Variants in GLIS3 observed in about 807,000 individuals in gnomAD.
The protein encoded by GLIS3 is GLIS family zinc finger 3.
A neutral mutation model predicts 78.6 loss-of-function variants in GLIS3; 53 were observed. That is an observed-to-expected ratio of 0.67 (90% CI 0.54 to 0.85). The LOEUF (loss-of-function observed/expected upper bound fraction) is 0.85. GLIS3 is among the 40% of genes least tolerant of loss of function. The pLI is 0.00. For synonymous variants in GLIS3, 684 were observed against 509.9 expected (o/e 1.34, Z -4.60); for missense variants, 1,703 against 1,231.1 (o/e 1.38, Z -5.74).
chr9:4,249,369 A>G (rs952602395), intron 2 of GLIS3, among the ~76,000 whole-genome samples: 3 of 152,204 alleles, frequency 2.0e-5, no homozygotes, highest in South Asian at 2.1e-4. Flanking sequence ...TAGGTATTTT[A>G]TCCTCTTTGT....
At chr9:4,296,170 C>A (rs1816486245) in intron 1 of GLIS3, among the ~76,000 whole-genome samples, 1 of 151,584 alleles carries the variant, frequency 6.6e-6, no homozygotes, top group Non-Finnish European at 1.5e-5. Flanking sequence ...ATTCTATAAT[C>A]TGGGAGAAGA....
chr9:4,417,820 C>T, the GLIS3 span, among the ~76,000 whole-genome samples: 2 of 152,154 alleles, frequency 1.3e-5, no homozygotes, highest in African/African-American at 4.8e-5. Flanking sequence ...GGACATTTTG[C>T]TTGTGACTTT....
chr9:4,082,842 G>T (rs1033555293), intron 4 of GLIS3, among the ~76,000 whole-genome samples: 3 of 152,198 alleles, frequency 2.0e-5, no homozygotes, highest in African/African-American at 7.2e-5. Flanking sequence ...TTTCGAAACA[G>T]ACTTAAGATG....
At chr9:4,059,077 T>C (rs958236906) in intron 4 of GLIS3, among the ~76,000 whole-genome samples, 2 of 152,130 alleles carry the variant, frequency 1.3e-5, no homozygotes, top group Non-Finnish European at 2.9e-5. Context: ...ATCTAATCTA[T>C]AGTTGATCTA....
intron 2 of GLIS3, among the ~76,000 whole-genome samples, chr9:4,275,862 G>A (rs1826934359): frequency 6.6e-6 from 1 of 152,060 alleles, no homozygotes; most frequent in Admixed American, 6.6e-5. Context: ...ACCTAAAATG[G>A]GGCCGATTAC....
the GLIS3 span, among the ~76,000 whole-genome samples, chr9:4,422,699 G>A: frequency 1.3e-5 from 2 of 152,208 alleles, no homozygotes; most frequent in Non-Finnish European, 2.9e-5. Flanking sequence ...AGCTCAGTTA[G>A]AGATCAGAGC....
intron 2 of GLIS3, among the ~76,000 whole-genome samples, chr9:4,262,125 G>C (rs533083247): frequency 1.3e-5 from 2 of 152,278 alleles, no homozygotes; most frequent in Non-Finnish European, 2.9e-5. Flanking sequence ...CTATGTGACT[G>C]AAGAGTGCTC....
rs372819319 is a variant in GLIS3, at chr9:4,038,593, T to C, written c.1710+79175A>G. Reference sequence around the variant, plus strand: ...AAAAGGAATTTCCCAGGCATGTCTCTTTAACGTTTTTATCCTGAAAGCAGG... The same window carrying C: ...AAAAGGAATTTCCCAGGCATGTCTCCTTAACGTTTTTATCCTGAAAGCAGG... On this transcript the variant is annotated intron_variant, in intron 4 of 10. Transcript: ENST00000381971. 3.2e-4 allele frequency among the ~76,000 whole-genome samples: 48 copies of C among 152,328 alleles called. 1 individual carries two copies. The highest frequency in any genetic ancestry group is 1.2e-3 in the African/African-American group (48 of 41,578).
intron 7 of GLIS3, among the ~76,000 whole-genome samples, chr9:3,894,330 C>T (rs571741346): frequency 6.6e-6 from 1 of 152,282 alleles, no homozygotes; most frequent in South Asian, 2.1e-4. Context: ...TAGTTTAGAA[C>T]CCTCTAATAA....
At chr9:4,294,943 C>T (rs776026567) in intron 1 of GLIS3, among the ~76,000 whole-genome samples, 3 of 152,132 alleles carry the variant, frequency 2.0e-5, no homozygotes, top group Non-Finnish European at 4.4e-5. Flanking sequence ...TGAATAAATA[C>T]AATATAAGTG....
At chr9:4,311,593 C>T (rs931390810) in intron 2 of GLIS3, among the ~76,000 whole-genome samples, 2 of 152,166 alleles carry the variant, frequency 1.3e-5, no homozygotes, top group Non-Finnish European at 2.9e-5. Context: ...TAACTCCACA[C>T]TCCCCAGCTC....
At chr9:4,154,624 T>C (rs557962914) in intron 2 of GLIS3, among the ~76,000 whole-genome samples, 5 of 152,192 alleles carry the variant, frequency 3.3e-5, no homozygotes, top group African/African-American at 9.6e-5. Flanking sequence ...AACATTCATG[T>C]AGGGGGAAAA....
chr9:4,258,779 A>G (rs944575259), intron 2 of GLIS3, among the ~76,000 whole-genome samples: 1 of 152,180 alleles, frequency 6.6e-6, no homozygotes, highest in African/African-American at 2.4e-5. Context: ...AAATATATTT[A>G]ATACTTTGAA....
At chr9:4,484,465 C>T in the GLIS3 span, among the ~76,000 whole-genome samples, 2 of 130,086 alleles carry the variant, frequency 1.5e-5, no homozygotes, top group African/African-American at 6.1e-5. Context: ...GCTGCCTAGG[C>T]TGCAGTGCAG....
intron 2 of GLIS3, among the ~76,000 whole-genome samples, chr9:4,226,457 C>T (rs1821776031): frequency 6.6e-6 from 1 of 152,154 alleles, no homozygotes; most frequent in Admixed American, 6.5e-5. Context: ...AGACGAGCTC[C>T]TCCCAAGAGA....
At chr9:4,313,238 C>T (rs780289742) in intron 2 of GLIS3, among the ~76,000 whole-genome samples, 2 of 152,180 alleles carry the variant, frequency 1.3e-5, no homozygotes, top group African/African-American at 2.4e-5. Flanking sequence ...AAGCTTCCTC[C>T]GCACAGCTCC....
Position 3,935,625 on chromosome 9 carries a change from C to G in GLIS3, c.1872+1403G>C, listed in dbSNP as rs536508140. 1.8e-4 allele frequency among the ~76,000 whole-genome samples: 27 copies of G among 152,298 alleles called. 1 individual carries two copies. In the South Asian group the frequency reaches 3.5e-3, roughly 20 times the overall value. ...CAATCTTGTCTCATAAATGTTCATT[C>G]TTCCATGATAAAGGTTAATGACGAA... On this transcript the variant is annotated intron_variant, in intron 5 of 10. Coordinates refer to ENST00000381971, the MANE Select transcript of GLIS3 (RefSeq NM_001042413.2).
At position 4,118,876 on chromosome 9, in the gene GLIS3, A is replaced by T; in HGVS notation, c.602T>A (p.Leu201His). Residue 201 changes from leucine to histidine, a missense_variant, in exon 4 of 11, where the codon CTT becomes CAT. Leu to His is a moderately conservative substitution (Grantham distance 99). Transcript: ENST00000381971. The surrounding 1 kb of genome is among the most constrained non-coding windows in gnomAD (Gnocchi z 4.7). ...GGACGCCAAAGACTCACGCGAAATA[A>T]GGGACCTGGAACAGCAGCCAGAAAG... ...LNIPPSDTRSLISRESLASTT... is the reference protein window; with the variant it reads ...LNIPPSDTRSHISRESLASTT... 1.9e-6 allele frequency: 3 copies of T among 1,601,156 alleles called. No individual in the cohort carries two copies. Among genetic ancestry groups the T allele is most frequent in the Non-Finnish European group, 2.5e-6 (3 of 1,179,894 alleles).
In GLIS3 at chr9:4,298,394, C is replaced by G. The variant is rs1434495412; in HGVS notation, c.-99+1027G>C. 6.6e-6 allele frequency: 3 copies of G among 456,282 alleles called. No homozygotes were observed. The Admixed American group carries it at 7.1e-5, about 11-fold the overall frequency. 28.3% of individuals were successfully genotyped at this position (456,282 alleles called of 1,614,324 possible). On this transcript the variant is annotated intron_variant, in intron 1 of 10. Transcript: ENST00000381971. ...TCTCCCGCCAGGTACCTAATTGAATCATCCATAGGATGACAAATCAGCCAG... is the reference window on the plus strand; with the variant it reads ...TCTCCCGCCAGGTACCTAATTGAATGATCCATAGGATGACAAATCAGCCAG...
Sources: gnomAD v4.1 joint callset for allele counts (sites outside exome capture counted in the v4.1 genomes callset) on GRCh38, gnomAD v4.1.1 for gene constraint, Gnocchi (gnomAD v3.1) non-coding constraint, MANE v1.5 for transcripts, NCBI Gene and HGNC (gene_info 2026-07-23, HGNC 2026-07-21) for gene names.